PIBF1: variants seen among roughly 807,000 people sequenced by gnomAD.
PIBF1 encodes progesterone immunomodulatory binding factor 1, also known as progesterone-induced-blocking factor 1.
In PIBF1, 90 loss-of-function variants were observed where a neutral mutation model predicts 112.5. The observed-to-expected ratio is 0.80, with a 90% confidence interval of 0.67 to 0.95. PIBF1 has a LOEUF of 0.95. PIBF1 is among the 40% of genes least tolerant of loss of function. PIBF1 has a pLI of 0.00. For synonymous variants in PIBF1, 301 were observed against 288.6 expected, an observed-to-expected ratio of 1.04 and a Z score of -0.44; for missense variants, 915 against 852.3, an observed-to-expected ratio of 1.07 and a Z score of -0.92.
intron 10 of PIBF1, among the ~76,000 whole-genome samples, chr13:72,870,083 C>T (rs1199626445): frequency 6.6e-6 from 1 of 152,072 alleles, no homozygotes; most frequent in African/African-American, 2.4e-5. Flanking sequence ...CATAATTGTA[C>T]ATGACATACA....
chr13:72,906,719 T>TAA (rs1397319219), intron 11 of PIBF1, among the ~76,000 whole-genome samples: 1 of 152,188 alleles, frequency 6.6e-6, no homozygotes, highest in Non-Finnish European at 1.5e-5. Flanking sequence ...AATCTCTCCT[T>TAA]AAAATAATAT....
At chr13:72,908,476 C>A in intron 11 of PIBF1, 55 bp from the exon 12 acceptor site, 1 of 1,220,538 alleles carries the variant, frequency 8.2e-7, no homozygotes, top group Non-Finnish European at 1.1e-6. Context: ...ATGTTTTTGT[C>A]TTAACTGTGC....
chr13:72,798,149 C>G (rs759304465), intron 5 of PIBF1, 123 bp downstream of exon 5: 2 of 936,230 alleles, frequency 2.1e-6, no homozygotes, highest in Non-Finnish European at 3.1e-6. Flanking sequence ...ATGGTGACTG[C>G]TACAGTTCAA....
intron 4 of PIBF1, 88 bp downstream of exon 4, chr13:72,795,645 C>T: frequency 1.3e-6 from 1 of 780,980 alleles, no homozygotes; most frequent in Non-Finnish European, 2.1e-6. Flanking sequence ...TTTTGAAGTA[C>T]CCAATTGATA....
chr13:72,919,745 A>G (rs2041226686), intron 13 of PIBF1, among the ~76,000 whole-genome samples: 1 of 151,810 alleles, frequency 6.6e-6, no homozygotes, highest in Non-Finnish European at 1.5e-5. Flanking sequence ...ATGCAGGCAA[A>G]TTGCTTGAGT....
chr13:72,944,159 A>G (rs543245887), intron 14 of PIBF1, among the ~76,000 whole-genome samples: 1 of 152,186 alleles, frequency 6.6e-6, no homozygotes, highest in Non-Finnish European at 1.5e-5. Context: ...AGGAGTATTC[A>G]GAATAAGCCG....
intron 5 of PIBF1, among the ~76,000 whole-genome samples, chr13:72,814,718 C>G (rs927291917): frequency 2.0e-5 from 3 of 151,070 alleles, no homozygotes; most frequent in African/African-American, 4.9e-5. Context: ...AATCTGTAGC[C>G]GGAAATGCCT....
intron 5 of PIBF1, among the ~76,000 whole-genome samples, chr13:72,798,236 T>C (rs2137982745): frequency 6.6e-6 from 1 of 152,252 alleles, no homozygotes; most frequent in East Asian, 1.9e-4. Context: ...ACGTATCCTA[T>C]AGTTGAGCTT....
chr13:72,913,671 G>A (rs1379026809), intron 12 of PIBF1, among the ~76,000 whole-genome samples: 1 of 151,834 alleles, frequency 6.6e-6, no homozygotes, highest in Non-Finnish European at 1.5e-5. Flanking sequence ...GGTGAGGTGG[G>A]ATGATCGCCT....
At chr13:72,790,481 C>G (rs2034852429) in intron 2 of PIBF1, among the ~76,000 whole-genome samples, 1 of 143,806 alleles carries the variant, frequency 7.0e-6, no homozygotes, top group Admixed American at 6.8e-5. Context: ...ATAGATCACA[C>G]ACACCCTTAT....
chr13:73,005,328 C>G (rs2043998091), intron 17 of PIBF1, among the ~76,000 whole-genome samples: 1 of 150,762 alleles, frequency 6.6e-6, no homozygotes, highest in Non-Finnish European at 1.5e-5. Flanking sequence ...TTTAAATTAG[C>G]CAGGCATGGT....
At chr13:72,792,896 CCTGTGTACTTTCTCTAGCT>C (rs1251847866) in intron 3 of PIBF1, among the ~76,000 whole-genome samples, 1 of 152,134 alleles carries the variant, frequency 6.6e-6, no homozygotes, top group Non-Finnish European at 1.5e-5. Context: ...TTCTATTATT[CCTGTGTACTTTCTCTAGCT>C]CAGTTGTGGG....
intron 9 of PIBF1, among the ~76,000 whole-genome samples, chr13:72,849,198 A>G (rs1224661639): frequency 4.6e-5 from 7 of 152,248 alleles, no homozygotes; most frequent in Admixed American, 6.5e-5. Context: ...TGAAAGAATC[A>G]TGAAAAACAC....
At chr13:72,877,903 C>T (rs965104296) in intron 10 of PIBF1, among the ~76,000 whole-genome samples, 10 of 152,104 alleles carry the variant, frequency 6.6e-5, no homozygotes, top group African/African-American at 2.4e-4. Context: ...GCATGCACCA[C>T]CACGCCTGGT....
chr13:72,827,809 G>A lies in PIBF1; in HGVS notation c.992G>A (p.Ser331Asn). 6.2e-7 allele frequency: 1 copy of A among 1,605,446 alleles called. No homozygotes were observed. The highest frequency in any genetic ancestry group is 2.2e-5 in the East Asian group (1 of 44,562). The change falls in exon 8 of 18, where the codon AGT becomes AAT. Residue 331 changes from serine to asparagine, a missense_variant. Physicochemically the swap from Ser to Asn is conservative, Grantham distance 46. Coordinates refer to ENST00000326291, the MANE Select transcript of PIBF1 (RefSeq NM_006346.4). ...EYLNRQNMEL[S>N]VRCAHEEDRL... ...CTTAATCGCCAAAACATGGAGCTTA[G>A]TGTTCGCTGTGCTCATGAAGAGGAT... is the stretch of plus-strand genomic sequence containing the variant.
At position 72,782,227 on chromosome 13, in the gene PIBF1, G is replaced by C. The variant is rs2034292314; in HGVS notation, c.-170G>C. On this transcript the variant is annotated 5_prime_UTR_variant, in exon 1 of 18. Coordinates refer to ENST00000326291, the MANE Select transcript of PIBF1 (RefSeq NM_006346.4). ...TGGTTACGGGTCCTAACGGTCCCCT[G>C]CCTTGAAATCCCTTGTTGAGGGCCT... 1.0e-5 allele frequency: 2 copies of C among 193,994 alleles called. No individual in the cohort carries two copies. Among genetic ancestry groups the C allele is most frequent in the Non-Finnish European group, 2.1e-5 (2 of 94,478 alleles). The allele number at this position is 193,994 out of a possible 1,614,324, so 12.0% of individuals were successfully genotyped here.
chr13:72,973,844 G>A, intron 16 of PIBF1, 169 bp downstream of exon 16: 1 of 516,870 alleles, frequency 1.9e-6, no homozygotes, highest in Non-Finnish European at 3.4e-6. Context: ...ACTTCTTAGA[G>A]TTAATTCTTA....
At chr13:72,929,360 A>ATATTTTTTTT (rs2041633150) in intron 13 of PIBF1, among the ~76,000 whole-genome samples, 1 of 152,140 alleles carries the variant, frequency 6.6e-6, no homozygotes, top group African/African-American at 2.4e-5. Context: ...AACTTAGTAT[A>ATATTTTTTTT]TTTTTATTGG....
chr13:72,838,487 TCA>T (rs1566339178), intron 9 of PIBF1, among the ~76,000 whole-genome samples: 1 of 152,172 alleles, frequency 6.6e-6, no homozygotes, highest in Non-Finnish European at 1.5e-5. Context: ...GCTTCCAGAA[TCA>T]CAGCAGATTC....
Sources: allele counts gnomAD v4.1 joint callset (sites outside exome capture counted in the v4.1 genomes callset), GRCh38; gene constraint gnomAD v4.1.1; transcripts MANE v1.5; gene names NCBI Gene and HGNC (gene_info 2026-07-23, HGNC 2026-07-21).